UNC5D: variants seen among roughly 807,000 people sequenced by gnomAD.
The protein encoded by UNC5D is netrin receptor UNC5D.
A neutral mutation model predicts 105.4 loss-of-function variants in UNC5D; 39 were observed. The ratio of observed to expected loss-of-function variants is 0.37; its 90% confidence interval spans 0.29 to 0.48. The LOEUF is 0.48. UNC5D is among the 20% of genes least tolerant of loss of function. The probability of loss-of-function intolerance (pLI) is 0.98; values close to 1 mark genes in which losing one functional copy is unlikely to be tolerated. For synonymous variants in UNC5D, 452 were observed against 450.4 expected (o/e 1.00, Z -0.04); for missense variants, 991 against 1,202.4 (o/e 0.82, Z 2.60).
chr8:35,641,601 C>T (rs983146103), intron 4 of UNC5D, among the ~76,000 whole-genome samples: 6 of 151,942 alleles, frequency 3.9e-5, no homozygotes, highest in South Asian at 2.1e-4. Flanking sequence ...TCAAGTATGA[C>T]TATGTTAGCC....
intron 1 of UNC5D, among the ~76,000 whole-genome samples, chr8:35,386,995 G>T (rs1256445172): frequency 1.1e-4 from 15 of 142,692 alleles, no homozygotes; most frequent in Non-Finnish European, 4.6e-5. Context: ...GTTTGCAAAT[G>T]ATGGATGGTG....
intron 1 of UNC5D, among the ~76,000 whole-genome samples, chr8:35,463,274 T>A (rs1809032938): frequency 6.6e-6 from 1 of 152,120 alleles, no homozygotes; most frequent in African/African-American, 2.4e-5. Context: ...AAAAATTAGT[T>A]ACGAGAGAGA....
chr8:35,567,079 A>C (rs1817397599), intron 2 of UNC5D, among the ~76,000 whole-genome samples: 1 of 152,076 alleles, frequency 6.6e-6, no homozygotes, highest in African/African-American at 2.4e-5. Flanking sequence ...AAGTAACAAA[A>C]AAAAAAAAAA....
intron 11 of UNC5D, among the ~76,000 whole-genome samples, chr8:35,738,118 A>G (rs1172298924): frequency 6.6e-6 from 1 of 152,148 alleles, no homozygotes; most frequent in Non-Finnish European, 1.5e-5. Context: ...AAGAAAAGAA[A>G]AGAAAGAAAA....
intron 1 of UNC5D, among the ~76,000 whole-genome samples, chr8:35,321,929 G>T (rs1037684193): frequency 6.6e-6 from 1 of 152,110 alleles, no homozygotes; most frequent in Admixed American, 6.6e-5. Flanking sequence ...CTGTTAAGTG[G>T]ATATCCTCAT....
chr8:35,783,581 C>T lies in UNC5D; in HGVS notation c.2658-6778C>T, dbSNP rs985172338. Reference sequence around the variant, plus strand: ...GTGCCCTTGGTAGCTCTTCAGTGTACCTCCCCAGGGCTAAGACAGAGCCTG... The same window carrying T: ...GTGCCCTTGGTAGCTCTTCAGTGTATCTCCCCAGGGCTAAGACAGAGCCTG... On this transcript the variant is annotated intron_variant, in intron 16 of 16. Transcript: ENST00000404895. 3.3e-5 allele frequency among the ~76,000 whole-genome samples: 5 copies of T among 152,128 alleles called. No homozygotes were observed. In the South Asian group the frequency reaches 8.3e-4, roughly 25 times the overall value.
chr8:35,541,910 G>A (rs192183122), intron 1 of UNC5D, among the ~76,000 whole-genome samples: 1 of 152,118 alleles, frequency 6.6e-6, no homozygotes, highest in Admixed American at 6.6e-5. Context: ...ACGTGCTTTT[G>A]TAGAGTCTAC....
chr8:35,320,789 G>A (rs1809683337), intron 1 of UNC5D, among the ~76,000 whole-genome samples: 1 of 152,098 alleles, frequency 6.6e-6, no homozygotes, highest in Non-Finnish European at 1.5e-5. Context: ...CCTGAATTAG[G>A]TTTTCCTGTT....
At chr8:35,260,753 T>C (rs1356234289) in intron 1 of UNC5D, among the ~76,000 whole-genome samples, 1 of 152,166 alleles carries the variant, frequency 6.6e-6, no homozygotes, top group African/African-American at 2.4e-5. Context: ...TTATTAAATA[T>C]AAACTTGAAC....
At position 35,750,808 on chromosome 8, in the gene UNC5D, A is replaced by C; in HGVS notation, c.2162A>C (p.Gln721Pro). Residue 721 changes from glutamine to proline, a missense_variant and splice_region_variant, in exon 13 of 17, where the codon CAG becomes CCG. By Grantham distance (76) the Gln-to-Pro change is moderately conservative (BLOSUM62 -1). This residue lies in a region of UNC5D where 944 missense variants were observed against 1,131.6 expected (regional missense o/e 0.83). Coordinates refer to ENST00000404895, the MANE Select transcript of UNC5D (RefSeq NM_080872.4). ...YCVDNTPCAFQEVVSDERHQG... is the reference protein window; with the variant it reads ...YCVDNTPCAFPEVVSDERHQG... ...GTGGACAATACCCCTTGTGCATTTC[A>C]GGTTAGCCTTTGTTTTAATAATTTT... 2 of 1,613,924 alleles carry C rather than the reference A, an allele frequency of 1.2e-6. No individual in the cohort carries two copies. Among genetic ancestry groups the C allele is most frequent in the Non-Finnish European group, 1.7e-6 (2 of 1,179,800 alleles).
At chr8:35,577,573 G>C (rs1171465193) in intron 3 of UNC5D, among the ~76,000 whole-genome samples, 4 of 152,180 alleles carry the variant, frequency 2.6e-5, no homozygotes, top group Non-Finnish European at 5.9e-5. Context: ...TTTAAAAGAT[G>C]AATGAATGAA....
chr8:35,415,389 T>C (rs1805463452), intron 1 of UNC5D, among the ~76,000 whole-genome samples: 1 of 152,172 alleles, frequency 6.6e-6, no homozygotes, highest in South Asian at 2.1e-4. Context: ...TCACTTCTTT[T>C]ATGGATTGAA....
At chr8:35,518,044 G>A (rs750350779) in intron 1 of UNC5D, among the ~76,000 whole-genome samples, 10 of 152,006 alleles carry the variant, frequency 6.6e-5, no homozygotes, top group Non-Finnish European at 1.2e-4. Flanking sequence ...AATTTTGGGG[G>A]GGGCATAAAC....
intron 1 of UNC5D, among the ~76,000 whole-genome samples, chr8:35,348,762 A>G (rs1811988724): frequency 6.6e-6 from 1 of 151,942 alleles, no homozygotes; most frequent in South Asian, 2.1e-4. Context: ...TATATCCTGG[A>G]CTTAATGCTT....
chr8:35,512,528 C>A (rs1331328130), intron 1 of UNC5D, among the ~76,000 whole-genome samples: 2 of 30,440 alleles, frequency 6.6e-5, no homozygotes, highest in Non-Finnish European at 1.1e-4. Context: ...ATTATATATT[C>A]AGATATGTAT....
At chr8:35,550,315 C>G (rs948318682) in intron 2 of UNC5D, among the ~76,000 whole-genome samples, 1 of 152,122 alleles carries the variant, frequency 6.6e-6, no homozygotes, top group African/African-American at 2.4e-5. Context: ...TAATTTGACT[C>G]AAAGCCTTCA....
intron 2 of UNC5D, among the ~76,000 whole-genome samples, chr8:35,567,238 AC>A (rs750472773): frequency 2.0e-5 from 3 of 152,128 alleles, no homozygotes; most frequent in Non-Finnish European, 4.4e-5. Flanking sequence ...TTTAAGACTA[AC>A]TTGGTTTATG....
intron 8 of UNC5D, among the ~76,000 whole-genome samples, chr8:35,720,283 T>C (rs1017810878): frequency 4.6e-5 from 7 of 152,164 alleles, no homozygotes; most frequent in Non-Finnish European, 1.0e-4. Flanking sequence ...TGTCTTTGTC[T>C]CTACTTTGTC....
chr8:35,556,621 T>C (rs1376199913), intron 2 of UNC5D, among the ~76,000 whole-genome samples: 1 of 152,196 alleles, frequency 6.6e-6, no homozygotes, highest in Non-Finnish European at 1.5e-5. Context: ...AATGCTTGTA[T>C]ATGTGGGGAG....
Sources: gnomAD v4.1 joint callset for allele counts (sites outside exome capture counted in the v4.1 genomes callset) on GRCh38, gnomAD v4.1.1 for gene constraint, gnomAD v4.1.1 regional missense constraint, MANE v1.5 for transcripts, NCBI Gene and HGNC (gene_info 2026-07-23, HGNC 2026-07-21) for gene names.